The following EXOC1L variants were observed in gnomAD, a reference collection of about 807,000 sequenced individuals.
EXOC1L encodes the protein exocyst complex component 1-like.
EXOC1L carries 10 observed loss-of-function variants against 4.9 expected under a neutral mutation model. The ratio of observed to expected loss-of-function variants is 2.02; its 90% CI spans 1.25 to 3.43. The LOEUF (loss-of-function observed/expected upper bound fraction) is 3.43, where lower values mean the gene tolerates loss of function less well. Among genes scored for constraint, EXOC1L ranks in the 30% most tolerant of loss-of-function variants. EXOC1L has a pLI of 0.00. For synonymous variants in EXOC1L, 41 were observed against 20.8 expected (o/e 1.97, Z -2.63); for missense variants, 114 against 59.4 (o/e 1.92, Z -3.02).
At chr4:55,833,231 C>T (rs536313963) in intron 2 of EXOC1L, among the ~76,000 whole-genome samples, 1 of 151,868 alleles carries the variant, frequency 6.6e-6, no homozygotes, top group South Asian at 2.1e-4. Flanking sequence ...AAAAGAATAT[C>T]TCAGAACACA....
intron 2 of EXOC1L, among the ~76,000 whole-genome samples, chr4:55,833,324 AGTTT>A (rs1337125068): frequency 2.0e-5 from 3 of 151,892 alleles, no homozygotes; most frequent in East Asian, 1.9e-4. Flanking sequence ...TTGCATATTT[AGTTT>A]GTCATGTTAT....
chr4:55,834,016 T>G (rs1018506756), intron 2 of EXOC1L, among the ~76,000 whole-genome samples: 2 of 152,108 alleles, frequency 1.3e-5, no homozygotes, highest in South Asian at 4.1e-4. Context: ...TTTCTACTTC[T>G]CTTTTTTAAA....
At chr4:55,823,573 A>G (rs1174887426) in intron 1 of EXOC1L, among the ~76,000 whole-genome samples, 2 of 152,254 alleles carry the variant, frequency 1.3e-5, no homozygotes, top group East Asian at 3.8e-4. Context: ...GCAGCAGTAG[A>G]ATAACAATTA....
At chr4:55,830,425 T>G (rs1719998135) in intron 1 of EXOC1L, among the ~76,000 whole-genome samples, 1 of 152,136 alleles carries the variant, frequency 6.6e-6, no homozygotes, top group African/African-American at 2.4e-5. Context: ...AACCATAAAT[T>G]TTTAGAGGGC....
Position 55,820,155 on chromosome 4 carries a change from G to C in EXOC1L, c.121+8G>C. On this transcript the variant is annotated splice_region_variant and intron_variant, in intron 1 of 2. Coordinates refer to ENST00000636125, the MANE Select transcript of EXOC1L (RefSeq NM_001351574.3). ...ATTACCTCTGTGTGTCAGGTAATCT[G>C]TTCCTTCTGTTATCATTTCAAAAAG... The C allele has an allele frequency of 2.5e-6, 1 of 398,736 alleles. No homozygotes were observed. The highest frequency in any genetic ancestry group is 4.4e-6 in the Non-Finnish European group (1 of 225,928). The allele number at this position is 398,736 out of a possible 1,614,324, so 24.7% of individuals were successfully genotyped here. A position where few individuals can be genotyped will look rare whatever the true frequency, so the allele number is the denominator to read the frequency against.
rs539492441 is a variant in EXOC1L, at chr4:55,834,753, G to C, written c.253-2332G>C. Among the ~76,000 whole-genome samples, 3 of 151,818 alleles carry C rather than the reference G, an allele frequency of 2.0e-5. No individual in the cohort carries two copies. The South Asian group carries it at 6.2e-4, about 32-fold the overall frequency. The stretch of plus-strand genomic sequence containing the variant: ...AAAAATTGTGAATGTGACTATAAAA[G>C]TGCTGCGCTTAAAAACCACACCACC... On this transcript the variant is annotated intron_variant, in intron 2 of 2. Coordinates refer to ENST00000636125, the MANE Select transcript of EXOC1L (RefSeq NM_001351574.3).
chr4:55,831,075 G>T (rs759920658), intron 1 of EXOC1L, among the ~76,000 whole-genome samples: 4 of 152,118 alleles, frequency 2.6e-5, no homozygotes, highest in Non-Finnish European at 5.9e-5. Flanking sequence ...AAAGCACATA[G>T]CTCAATGTTC....
At chr4:55,823,010 A>G (rs1217934418) in intron 1 of EXOC1L, among the ~76,000 whole-genome samples, 1 of 151,054 alleles carries the variant, frequency 6.6e-6, no homozygotes. Flanking sequence ...AAAATTAAAA[A>G]TTGATATATT....
intron 2 of EXOC1L, among the ~76,000 whole-genome samples, chr4:55,836,047 A>G (rs562035434): frequency 6.6e-6 from 1 of 152,032 alleles, no homozygotes; most frequent in African/African-American, 2.4e-5. Flanking sequence ...ATGTTGTCTA[A>G]CTTTAAAATT....
chr4:55,825,567 G>C (rs1369125337), intron 1 of EXOC1L, among the ~76,000 whole-genome samples: 1 of 152,062 alleles, frequency 6.6e-6, no homozygotes, highest in East Asian at 1.9e-4. Context: ...AGCTCATAAA[G>C]CCAAACCTTG....
At chr4:55,831,246 G>A (rs1720022266) in intron 1 of EXOC1L, 88 bp from the exon 2 acceptor site, 1 of 491,688 alleles carries the variant, frequency 2.0e-6, no homozygotes, top group Non-Finnish European at 3.6e-6. Context: ...TTTATTAAAA[G>A]GGGATACATA....
intron 1 of EXOC1L, among the ~76,000 whole-genome samples, chr4:55,820,806 A>G (rs1719719761): frequency 6.6e-6 from 1 of 152,188 alleles, no homozygotes; most frequent in Non-Finnish European, 1.5e-5. Context: ...TTTTACCCTC[A>G]TGTTTCCAAA....
chr4:55,823,627 T>G (rs908862980), intron 1 of EXOC1L, among the ~76,000 whole-genome samples: 10 of 152,336 alleles, frequency 6.6e-5, no homozygotes, highest in South Asian at 4.1e-4. Context: ...ATGTTCTGAT[T>G]ATAGAGCCAA....
At chr4:55,832,734 G>A (rs141399278) in intron 2 of EXOC1L, among the ~76,000 whole-genome samples, 1 of 152,140 alleles carries the variant, frequency 6.6e-6, no homozygotes, top group East Asian at 1.9e-4. Context: ...AGGTGACATA[G>A]CTATTAAGTG....
At position 55,837,385 on chromosome 4, in the gene EXOC1L, T is replaced by C. The variant is rs901471581; in HGVS notation, c.*34T>C. The C allele has an allele frequency of 4.5e-6, 2 of 441,938 alleles. No individual in the cohort carries two copies. Among genetic ancestry groups the C allele is most frequent in the African/African-American group, 4.0e-5 (2 of 49,624 alleles). 27.4% of individuals were successfully genotyped at this position (441,938 alleles called of 1,614,324 possible). A position where few individuals can be genotyped will look rare whatever the true frequency, so the allele number is the denominator to read the frequency against. The stretch of plus-strand genomic sequence containing the variant: ...ACCACATTCCTTCATCAGTGACCTA[T>C]GAAAATGGTTTCCCAAGTAAATATT... On this transcript the variant is annotated 3_prime_UTR_variant, in exon 3 of 3. Transcript: ENST00000636125.
chr4:55,822,106 C>A (rs534372460), intron 1 of EXOC1L, among the ~76,000 whole-genome samples: 1 of 152,156 alleles, frequency 6.6e-6, no homozygotes, highest in Non-Finnish European at 1.5e-5. Context: ...TACAATCTAG[C>A]GCTTCTAAAT....
At chr4:55,829,402 G>T (rs1719967411) in intron 1 of EXOC1L, among the ~76,000 whole-genome samples, 2 of 152,118 alleles carry the variant, frequency 1.3e-5, no homozygotes, top group Admixed American at 1.3e-4. Context: ...GTGGTGTCAT[G>T]ATTTAACTCC....
intron 1 of EXOC1L, among the ~76,000 whole-genome samples, chr4:55,823,017 T>TAAA (rs1719785913): frequency 4.0e-5 from 6 of 151,010 alleles, no homozygotes; most frequent in Non-Finnish European, 8.9e-5. Context: ...AAAATTGATA[T>TAAA]ATTGTATATT....
intron 1 of EXOC1L, among the ~76,000 whole-genome samples, chr4:55,822,673 C>G (rs1033620270): frequency 6.6e-6 from 1 of 152,114 alleles, no homozygotes; most frequent in African/African-American, 2.4e-5. Context: ...GGTGTGAAAC[C>G]TGGTGCTGCT....
Sources: allele counts gnomAD v4.1 joint callset (sites outside exome capture counted in the v4.1 genomes callset), GRCh38; gene constraint gnomAD v4.1.1; transcripts MANE v1.5; gene names NCBI Gene and HGNC (gene_info 2026-07-23, HGNC 2026-07-21).